Variants in PTPRD observed in about 807,000 individuals in gnomAD.
The protein encoded by PTPRD is receptor-type tyrosine-protein phosphatase delta.
PTPRD carries 34 observed loss-of-function variants against 214.5 expected under a neutral mutation model. The ratio of observed to expected loss-of-function variants is 0.16; its 90% CI spans 0.12 to 0.21. The LOEUF (loss-of-function observed/expected upper bound fraction) is 0.21. Among genes scored for constraint, PTPRD ranks in the 10% least tolerant of loss-of-function variants. The probability of loss-of-function intolerance (pLI) is 1.00; values close to 1 mark genes in which losing one functional copy is unlikely to be tolerated. For synonymous variants in PTPRD, 1,128 were observed against 845.7 expected, an observed-to-expected ratio of 1.33 and a Z score of -5.79; for missense variants, 2,545 against 2,398.7, an observed-to-expected ratio of 1.06 and a Z score of -1.27.
chr9:9,655,954 G>T (rs529934142), intron 7 of PTPRD, among the ~76,000 whole-genome samples: 1 of 151,976 alleles, frequency 6.6e-6, no homozygotes, highest in Non-Finnish European at 1.5e-5. Context: ...CTCCAGCGGG[G>T]GCAACACAGT....
chr9:9,054,941 G>T (rs1044651263), intron 10 of PTPRD, among the ~76,000 whole-genome samples: 2 of 152,156 alleles, frequency 1.3e-5, no homozygotes, highest in East Asian at 3.8e-4. Flanking sequence ...CTTGATATAT[G>T]ATCGGGATGT....
intron 5 of PTPRD, among the ~76,000 whole-genome samples, chr9:9,853,772 G>C (rs1159386046): frequency 6.6e-6 from 1 of 151,906 alleles, no homozygotes; most frequent in Non-Finnish European, 1.5e-5. Flanking sequence ...TGGTCTCAAT[G>C]GTCTCAATTT....
chr9:10,032,923 A>T lies in PTPRD; in HGVS notation c.-472+795T>A, dbSNP rs540710107. Among the ~76,000 whole-genome samples the T allele has an allele frequency of 4.5e-3, 687 of 152,128 alleles. 2 individuals are homozygous for T. The highest frequency in any genetic ancestry group is 4.9e-3 in the Non-Finnish European group (335 of 67,950). On this transcript the variant is annotated intron_variant, in intron 4 of 45. Coordinates refer to ENST00000381196, the MANE Select transcript of PTPRD (RefSeq NM_002839.4). ...GCAATGTATATGAACTTGAGTGAAG[A>T]TTGAGTATTTTTAACTGATGAAGTA... is the stretch of plus-strand genomic sequence containing the variant.
intron 3 of PTPRD, among the ~76,000 whole-genome samples, chr9:10,316,674 C>G (rs570757334): frequency 6.6e-6 from 1 of 151,690 alleles, no homozygotes; most frequent in East Asian, 1.9e-4. Context: ...TTTAATGTAC[C>G]TTTTCTGACA....
At chr9:8,582,470 T>C (rs1404021265) in intron 14 of PTPRD, among the ~76,000 whole-genome samples, 1 of 152,190 alleles carries the variant, frequency 6.6e-6, no homozygotes, top group Non-Finnish European at 1.5e-5. Flanking sequence ...GTAGATAGGC[T>C]AGTCCCAGAC....
intron 10 of PTPRD, among the ~76,000 whole-genome samples, chr9:9,033,449 T>C (rs1372368791): frequency 6.6e-6 from 1 of 152,112 alleles, no homozygotes; most frequent in Non-Finnish European, 1.5e-5. Context: ...GAAAGGGGAA[T>C]TCTTCCAGCT....
chr9:8,337,474 T>C (rs1015644075), intron 43 of PTPRD, among the ~76,000 whole-genome samples: 9 of 151,972 alleles, frequency 5.9e-5, no homozygotes, highest in African/African-American at 1.2e-4. Context: ...AGGGGAACGA[T>C]AGCATTAGGA....
chr9:9,816,910 G>A lies in PTPRD; in HGVS notation c.-367-50059C>T, dbSNP rs949018415. 5.3e-5 allele frequency among the ~76,000 whole-genome samples: 8 copies of A among 151,294 alleles called. No individual in the cohort carries two copies. The East Asian group carries it at 9.7e-4, about 18-fold the overall frequency. On this transcript the variant is annotated intron_variant, in intron 5 of 45. Coordinates refer to ENST00000381196, the MANE Select transcript of PTPRD (RefSeq NM_002839.4). Reference sequence around the variant, plus strand: ...ATCACAAGATACTAATAATAATAAAGAAAAAAAAGTTTGTTTTTTCTTAGT... The same window carrying A: ...ATCACAAGATACTAATAATAATAAAAAAAAAAAAGTTTGTTTTTTCTTAGT...
At chr9:9,635,485 G>C (rs922618652) in intron 7 of PTPRD, among the ~76,000 whole-genome samples, 1 of 152,160 alleles carries the variant, frequency 6.6e-6, no homozygotes, top group Non-Finnish European at 1.5e-5. Context: ...AGAGTGATTG[G>C]TCACTCAGTT....
chr9:8,353,320 T>G (rs1261912132), intron 39 of PTPRD, among the ~76,000 whole-genome samples: 1 of 152,106 alleles, frequency 6.6e-6, no homozygotes, highest in Non-Finnish European at 1.5e-5. Flanking sequence ...CAGGCCTTTG[T>G]GTTGGTTTTG....
intron 2 of PTPRD, among the ~76,000 whole-genome samples, chr9:10,344,518 T>C (rs2097026186): frequency 6.6e-6 from 1 of 152,170 alleles, no homozygotes; most frequent in Non-Finnish European, 1.5e-5. Flanking sequence ...TGTAGGCTCT[T>C]TTTTGGTTTC....
chr9:8,540,129 T>C (rs2078030974), intron 14 of PTPRD, among the ~76,000 whole-genome samples: 1 of 152,130 alleles, frequency 6.6e-6, no homozygotes, highest in Admixed American at 6.6e-5. Context: ...TACTTTTCTA[T>C]AAGATTGGGA....
chr9:10,355,586 C>T (rs1003286256), intron 2 of PTPRD, among the ~76,000 whole-genome samples: 1 of 151,400 alleles, frequency 6.6e-6, no homozygotes, highest in East Asian at 2.0e-4. Flanking sequence ...TCAAGCGATT[C>T]TCCTTCCTCA....
chr9:8,572,907 T>C (rs144091259), intron 14 of PTPRD, among the ~76,000 whole-genome samples: 12 of 152,204 alleles, frequency 7.9e-5, no homozygotes, highest in African/African-American at 2.6e-4. Flanking sequence ...CACACTGTTA[T>C]TATAAGCTTA....
chr9:9,435,703 A>G (rs529360199), intron 8 of PTPRD, among the ~76,000 whole-genome samples: 39 of 152,136 alleles, frequency 2.6e-4, no homozygotes, highest in Non-Finnish European at 4.7e-4. Context: ...AAATATGACT[A>G]TAATAATTGA....
At chr9:9,256,099 GAA>G (rs1309486700) in intron 9 of PTPRD, among the ~76,000 whole-genome samples, 1 of 151,880 alleles carries the variant, frequency 6.6e-6, no homozygotes, top group African/African-American at 2.4e-5. Context: ...TTAACAATAA[GAA>G]AAAAACTAGG....
intron 8 of PTPRD, among the ~76,000 whole-genome samples, chr9:9,428,921 T>C (rs1319599019): frequency 2.6e-5 from 4 of 152,198 alleles, no homozygotes; most frequent in African/African-American, 9.7e-5. Context: ...GAGGGAAATT[T>C]ATAGCACTAA....
At chr9:10,036,790 G>C (rs912751006) in intron 3 of PTPRD, among the ~76,000 whole-genome samples, 1 of 152,060 alleles carries the variant, frequency 6.6e-6, no homozygotes, top group African/African-American at 2.4e-5. Context: ...CATCATGTTG[G>C]CCAGGATGGT....
intron 9 of PTPRD, among the ~76,000 whole-genome samples, chr9:9,370,954 G>A (rs1203855645): frequency 1.3e-5 from 2 of 152,144 alleles, no homozygotes; most frequent in African/African-American, 2.4e-5. Context: ...GCATCCCAGG[G>A]ATGAAGCCCA....
Sources: allele counts gnomAD v4.1 joint callset (sites outside exome capture counted in the v4.1 genomes callset), GRCh38; gene constraint gnomAD v4.1.1; transcripts MANE v1.5; gene names NCBI Gene and HGNC (gene_info 2026-07-23, HGNC 2026-07-21).